ANTXR2: variants seen among roughly 807,000 people sequenced by gnomAD.
ANTXR2 encodes the protein anthrax toxin receptor 2.
A neutral mutation model predicts 73.7 loss-of-function variants in ANTXR2; 44 were observed. The ratio of observed to expected loss-of-function variants is 0.60; its 90% CI spans 0.47 to 0.77. The LOEUF is 0.77. Among genes scored for constraint, ANTXR2 ranks in the 30% least tolerant of loss-of-function variants. The probability of loss-of-function intolerance (pLI) is 0.00; values close to 1 mark genes in which losing one functional copy is unlikely to be tolerated. For missense variants in ANTXR2, 604 were observed against 592.5 expected (o/e 1.02, Z -0.20); for synonymous variants, 217 against 205.9 (o/e 1.05, Z -0.46).
chr4:79,978,965 C>G (rs1395097286), intron 14 of ANTXR2, among the ~76,000 whole-genome samples: 1 of 152,102 alleles, frequency 6.6e-6, no homozygotes, highest in East Asian at 1.9e-4. Flanking sequence ...CCAAGCTCAT[C>G]TGAGTATGGT....
chr4:79,960,689 T>C (rs1729108383), intron 16 of ANTXR2, among the ~76,000 whole-genome samples: 1 of 152,036 alleles, frequency 6.6e-6, no homozygotes, highest in South Asian at 2.1e-4. Flanking sequence ...AAATTATTTT[T>C]ATTTTATAAC....
At chr4:79,994,801 TC>T (rs1730647794) in intron 12 of ANTXR2, among the ~76,000 whole-genome samples, 1 of 151,932 alleles carries the variant, frequency 6.6e-6, no homozygotes, top group South Asian at 2.1e-4. Context: ...TCACCGGAGG[TC>T]CTTTATCTAA....
intron 12 of ANTXR2, among the ~76,000 whole-genome samples, chr4:80,000,593 T>C (rs1560967508): frequency 6.6e-6 from 1 of 152,022 alleles, no homozygotes. Context: ...AATACATAAA[T>C]CATTATCTAA....
chr4:79,962,898 T>G (rs2109996697), intron 16 of ANTXR2, among the ~76,000 whole-genome samples: 1 of 152,300 alleles, frequency 6.6e-6, no homozygotes, highest in South Asian at 2.1e-4. Flanking sequence ...TAATGATTTT[T>G]TTTAAGAATG....
intron 8 of ANTXR2, among the ~76,000 whole-genome samples, chr4:80,034,049 T>C (rs1732839508): frequency 6.6e-6 from 1 of 152,146 alleles, no homozygotes; most frequent in African/African-American, 2.4e-5. Flanking sequence ...GCCTGTTCCA[T>C]ACAGAATTCT....
chr4:79,920,567 A>G (rs1313980423), intron 16 of ANTXR2, among the ~76,000 whole-genome samples: 1 of 152,098 alleles, frequency 6.6e-6, no homozygotes, highest in Non-Finnish European at 1.5e-5. Flanking sequence ...AAAAGTATAT[A>G]GGTAGTAGAG....
At chr4:80,068,335 T>G (rs1734606391) in intron 3 of ANTXR2, among the ~76,000 whole-genome samples, 1 of 152,182 alleles carries the variant, frequency 6.6e-6, no homozygotes, top group African/African-American at 2.4e-5. Context: ...AAATTTTATT[T>G]CAAAATAACA....
Position 79,903,307 on chromosome 4 carries a change from A to G in ANTXR2, c.*4122T>C, listed in dbSNP as rs1257520561. On this transcript the variant is annotated 3_prime_UTR_variant, in exon 17 of 17. Transcript: ENST00000403729. ...CTCTCTGTTACCTGATTCCTAAGCTAAGACTCTTCATAGAAAACACATTGA... is the reference window on the plus strand; with the variant it reads ...CTCTCTGTTACCTGATTCCTAAGCTGAGACTCTTCATAGAAAACACATTGA... The G allele has an allele frequency of 6.6e-6, 1 of 152,036 alleles. No homozygotes were observed. Among genetic ancestry groups the G allele is most frequent in the Admixed American group, 6.6e-5 (1 of 15,226 alleles). The allele number at this position is 152,036 out of a possible 1,614,324, so 9.4% of individuals were successfully genotyped here. A position where few individuals can be genotyped will look rare whatever the true frequency, so the allele number is the denominator to read the frequency against.
At chr4:79,950,618 T>C in intron 16 of ANTXR2, among the ~76,000 whole-genome samples, 1 of 152,120 alleles carries the variant, frequency 6.6e-6, no homozygotes, top group African/African-American at 2.4e-5. Flanking sequence ...CAAGGTGCTA[T>C]TTCAAACTTT....
At chr4:79,935,220 C>T (rs1458660942) in intron 16 of ANTXR2, among the ~76,000 whole-genome samples, 4 of 151,734 alleles carry the variant, frequency 2.6e-5, no homozygotes, top group Non-Finnish European at 4.4e-5. Context: ...TCATCGCCCC[C>T]CAACTTTTTT....
At chr4:79,929,422 G>A (rs1179347335) in intron 16 of ANTXR2, among the ~76,000 whole-genome samples, 1 of 152,102 alleles carries the variant, frequency 6.6e-6, no homozygotes, top group Non-Finnish European at 1.5e-5. Flanking sequence ...CTGAGGCAGA[G>A]AATTGCTTGA....
rs1301599803 is a variant in ANTXR2 at position 79,907,558 on chromosome 4, G to T, written c.1429-91C>A. On this transcript the variant is annotated intron_variant, in intron 16 of 16. Coordinates refer to ENST00000403729, the MANE Select transcript of ANTXR2 (RefSeq NM_058172.6). ...TAGTTTTCCTACCATGATAATAAAT[G>T]ATTACCCAAGGAAAGTACCATGTTA... 6 of 1,359,020 alleles carry T rather than the reference G, an allele frequency of 4.4e-6. No homozygotes were observed. In the East Asian group the frequency reaches 1.2e-4, roughly 26 times the overall value. 84.2% of individuals were successfully genotyped at this position (1,359,020 alleles called of 1,614,324 possible). A position where few individuals can be genotyped will look rare whatever the true frequency, so the allele number is the denominator to read the frequency against.
intron 16 of ANTXR2, among the ~76,000 whole-genome samples, chr4:79,936,381 A>G (rs1442467875): frequency 6.6e-6 from 1 of 152,194 alleles, no homozygotes; most frequent in East Asian, 1.9e-4. Context: ...ATTCTCCTTC[A>G]CAACCTAGCA....
At chr4:79,909,113 T>C (rs1727028536) in intron 16 of ANTXR2, among the ~76,000 whole-genome samples, 1 of 152,172 alleles carries the variant, frequency 6.6e-6, no homozygotes, top group Admixed American at 6.5e-5. Context: ...ATTTAAAATA[T>C]TATCTTCTGG....
At chr4:80,004,650 C>A (rs988639834) in intron 12 of ANTXR2, among the ~76,000 whole-genome samples, 3 of 152,058 alleles carry the variant, frequency 2.0e-5, no homozygotes, top group African/African-American at 7.2e-5. Context: ...TTTTATAAGG[C>A]TTGGACTGCA....
chr4:79,963,202 G>T (rs1729211101), intron 16 of ANTXR2, among the ~76,000 whole-genome samples: 1 of 152,154 alleles, frequency 6.6e-6, no homozygotes, highest in African/African-American at 2.4e-5. Context: ...GGCAAGGCCA[G>T]TGTGAGCCTG....
At chr4:79,950,181 A>C (rs928687977) in intron 16 of ANTXR2, among the ~76,000 whole-genome samples, 1 of 152,194 alleles carries the variant, frequency 6.6e-6, no homozygotes, top group African/African-American at 2.4e-5. Flanking sequence ...AATACAGCCC[A>C]AAACTACTAT....
In ANTXR2 at chr4:80,072,708, C is replaced by A. The variant is rs1024857869; in HGVS notation, c.-148G>T. 35 of 1,348,738 alleles carry A rather than the reference C, an allele frequency of 2.6e-5. 1 individual carries two copies. The highest frequency in any genetic ancestry group is 3.2e-5 in the Non-Finnish European group (34 of 1,055,532). The allele number at this position is 1,348,738 out of a possible 1,614,324, so 83.5% of individuals were successfully genotyped here. A position where few individuals can be genotyped will look rare whatever the true frequency, so the allele number is the denominator to read the frequency against. ...CCGGCGCCTGCGGCAGCGGGACCCA[C>A]CAGCTGACAGGGAGGGAGAGAGGGA... On this transcript the variant is annotated 5_prime_UTR_variant, in exon 1 of 17. Coordinates refer to ENST00000403729, the MANE Select transcript of ANTXR2 (RefSeq NM_058172.6).
intron 16 of ANTXR2, among the ~76,000 whole-genome samples, chr4:79,958,344 C>T (rs1387904175): frequency 6.6e-6 from 1 of 151,960 alleles, no homozygotes; most frequent in African/African-American, 2.4e-5. Flanking sequence ...AATATTTTAT[C>T]ACACACACAC....
Sources: allele counts gnomAD v4.1 joint callset (sites outside exome capture counted in the v4.1 genomes callset), GRCh38; gene constraint gnomAD v4.1.1; transcripts MANE v1.5; gene names NCBI Gene and HGNC (gene_info 2026-07-23, HGNC 2026-07-21).